The following ABCA4 variants were observed in gnomAD, a reference collection of about 807,000 sequenced individuals.
ABCA4 encodes ATP binding cassette subfamily A member 4.
A neutral mutation model predicts 263.7 loss-of-function variants in ABCA4; 196 were observed. That is an observed-to-expected ratio of 0.74 (90% confidence interval 0.66 to 0.84). The LOEUF is 0.84. Among genes scored for constraint, ABCA4 ranks in the 40% least tolerant of loss-of-function variants. The pLI is 0.00. For synonymous variants in ABCA4, 1,133 were observed against 1,094.2 expected (o/e 1.04, Z -0.70); for missense variants, 2,792 against 2,855.1 (o/e 0.98, Z 0.50).
intron 6 of ABCA4, among the ~76,000 whole-genome samples, chr1:94,094,206 A>G (rs1007402402): frequency 2.6e-5 from 4 of 152,298 alleles, no homozygotes; most frequent in South Asian, 4.1e-4. Context: ...AAGTTTAACA[A>G]TCTGCAACCA....
chr1:94,001,258 T>C (rs1296508225), intron 45 of ABCA4, among the ~76,000 whole-genome samples, 153 bp from the exon 46 acceptor site: 2 of 152,012 alleles, frequency 1.3e-5, no homozygotes, highest in African/African-American at 2.4e-5. Context: ...TACCCTGGTG[T>C]AGGGTAGGGA....
At chr1:94,109,377 C>G (rs1272896681) in intron 3 of ABCA4, among the ~76,000 whole-genome samples, 2 of 152,178 alleles carry the variant, frequency 1.3e-5, no homozygotes, top group Non-Finnish European at 2.9e-5. Flanking sequence ...CCCATTCACG[C>G]AGGTAGGCTC....
intron 44 of ABCA4, among the ~76,000 whole-genome samples, chr1:94,004,668 C>G (rs1462315051): frequency 6.6e-6 from 1 of 152,102 alleles, no homozygotes; most frequent in Non-Finnish European, 1.5e-5. Context: ...TGCCTACTTC[C>G]CATTCTTACT....
Position 94,083,389 on chromosome 1 carries a change from C to A in ABCA4, c.821G>T (p.Gly274Val), listed in dbSNP as rs189325931. ...TGGTGACATATCAGATAATATTCCTCCCCAAGATCTCAGATTGATACCTTG... is the reference window on the plus strand; with the variant it reads ...TGGTGACATATCAGATAATATTCCTACCCAAGATCTCAGATTGATACCTTG... ...RSQGINLRSW[G>V]GILSDMSPRI... Residue 274 changes from glycine to valine, a missense_variant, in exon 7 of 50, where the codon GGA becomes GTA. Transcript: ENST00000370225. 1.2e-6 allele frequency: 2 copies of A among 1,613,760 alleles called. No individual in the cohort carries two copies. Among genetic ancestry groups the A allele is most frequent in the Non-Finnish European group, 1.7e-6 (2 of 1,179,858 alleles).
At chr1:94,046,833 A>T in intron 19 of ABCA4, 86 bp downstream of exon 19, 1 of 1,524,820 alleles carries the variant, frequency 6.6e-7, no homozygotes, top group Non-Finnish European at 9.0e-7. Flanking sequence ...ATTTGTGGGA[A>T]AGAGTAGACA....
intron 47 of ABCA4, among the ~76,000 whole-genome samples, chr1:93,998,703 AT>A (rs1659082024): frequency 6.8e-6 from 1 of 147,170 alleles, no homozygotes; most frequent in African/African-American, 2.6e-5. Context: ...AGTTTTATTT[AT>A]TTTATTTTAT....
chr1:94,083,473 A>C, intron 6 of ABCA4, 32 bp from the exon 7 acceptor site: 2 of 1,536,750 alleles, frequency 1.3e-6, no homozygotes, highest in South Asian at 2.2e-5. Flanking sequence ...TTTTTTAAAT[A>C]TATATATGTT....
At chr1:94,037,048 C>A in intron 25 of ABCA4, 97 bp downstream of exon 25, 1 of 1,336,166 alleles carries the variant, frequency 7.5e-7, no homozygotes, top group Non-Finnish European at 1.1e-6. Context: ...GGAACGATGG[C>A]TTTTTGCTTT....
chr1:94,046,951 C>T lies in ABCA4; in HGVS notation c.2886G>A (p.Leu962=). 1.2e-6 allele frequency: 2 copies of T among 1,614,138 alleles called. No homozygotes were observed. The highest frequency in any genetic ancestry group is 1.7e-6 in the Non-Finnish European group (2 of 1,180,036). ...TFYENQITAF[L]GHNGAGKTTT... is the part of the protein sequence containing the mutation. ...TGGTTTTCCCAGCTCCATTGTGGCC[C>T]AGGAATGCGGTGATCTGGTTCTCGT... The change falls in exon 19 of 50, where the codon CTG becomes CTA. Residue 962 remains leucine, a synonymous_variant. Transcript: ENST00000370225.
rs2275034 is a variant in ABCA4 at position 94,014,883 on chromosome 1, T to C, written c.5313-193A>G. 0.59 allele frequency among the ~76,000 whole-genome samples: 90,064 copies of C among 152,092 alleles called. 27,215 individuals carry two copies. Among genetic ancestry groups the C allele is most frequent in the African/African-American group, 0.68 (28,290 of 41,460 alleles). Reference sequence around the variant, plus strand: ...TTAAATGGAGATAATGATGCCTGCCTTGACCACTTCATGGGGTTTTGTGAG... The same window carrying C: ...TTAAATGGAGATAATGATGCCTGCCCTGACCACTTCATGGGGTTTTGTGAG... On this transcript the variant is annotated intron_variant, in intron 37 of 49. Coordinates refer to ENST00000370225, the MANE Select transcript of ABCA4 (RefSeq NM_000350.3).
In ABCA4 at chr1:94,080,507, T is replaced by C; in HGVS notation, c.1070A>G (p.Asp357Gly). The change falls in exon 8 of 50, where the codon GAT becomes GGT. Residue 357 changes from aspartate to glycine, a missense_variant. By Grantham distance (94) the Asp-to-Gly change is moderately conservative. Coordinates refer to ENST00000370225, the MANE Select transcript of ABCA4 (RefSeq NM_000350.3). ...TCTTCTGTCATAAGAATAGATAGGATCCTTCCTTGTGGAGTCAATCCCCAG... is the reference window on the plus strand; with the variant it reads ...TCTTCTGTCATAAGAATAGATAGGACCCTTCCTTGTGGAGTCAATCCCCAG... ...AFLGIDSTRK[D>G]PIYSYDRRTT... 1.2e-6 allele frequency: 2 copies of C among 1,614,210 alleles called. No homozygotes were observed. Among genetic ancestry groups the C allele is most frequent in the Non-Finnish European group, 8.5e-7 (1 of 1,180,032 alleles).
intron 4 of ABCA4, among the ~76,000 whole-genome samples, chr1:94,104,569 G>A (rs1479997928): frequency 1.3e-5 from 2 of 152,138 alleles, no homozygotes; most frequent in Non-Finnish European, 1.5e-5. Context: ...AGGGTCTTGC[G>A]CCAACCCCAC....
intron 17 of ABCA4, among the ~76,000 whole-genome samples, chr1:94,049,666 C>T (rs778794748): frequency 7.2e-5 from 11 of 152,084 alleles, no homozygotes; most frequent in Admixed American, 3.9e-4. Flanking sequence ...AGTGCTATGA[C>T]GGGCAGCCAG....
intron 3 of ABCA4, among the ~76,000 whole-genome samples, chr1:94,109,008 G>A (rs572187320): frequency 2.0e-5 from 3 of 152,124 alleles, no homozygotes; most frequent in South Asian, 2.1e-4. Context: ...TCCTGACCTC[G>A]TGATCCACCC....
chr1:94,021,332 G>A lies in ABCA4; in HGVS notation c.4926C>T (p.Ser1642=), dbSNP rs61753017. The change falls in exon 35 of 50, where the codon AGC becomes AGT. Residue 1642 remains serine, a synonymous_variant. Transcript: ENST00000370225. ...NVAHNAILRA[S]LPKDRSPEEY... ...CCTCGGGGCTCCTGTCCTTAGGCAG[G>A]CTGGCCCGTAAGATGGCGTTGTGGG... 1.9e-6 allele frequency: 3 copies of A among 1,614,194 alleles called. No homozygotes were observed. Among genetic ancestry groups the A allele is most frequent in the African/African-American group, 1.3e-5 (1 of 75,038 alleles).
chr1:94,044,732 C>G lies in ABCA4; in HGVS notation c.2931G>C (p.Thr977=), dbSNP rs146963098. The G allele has an allele frequency of 1.2e-6, 2 of 1,614,184 alleles. No homozygotes were observed. The highest frequency in any genetic ancestry group is 1.3e-5 in the African/African-American group (1 of 75,030). Residue 977 remains threonine, a synonymous_variant, in exon 20 of 50, where the codon ACG becomes ACC. Coordinates refer to ENST00000370225, the MANE Select transcript of ABCA4 (RefSeq NM_000350.3). Reference sequence around the variant, plus strand: ...TCCCAGAGGTTGGTGGCAACAGACCCGTCAGGATGGACCTGCAGAACACAG... The same window carrying G: ...TCCCAGAGGTTGGTGGCAACAGACCGGTCAGGATGGACCTGCAGAACACAG... ...AGKTTTLSIL[T]GLLPPTSGTV... is the part of the protein sequence containing the mutation.
chr1:94,071,323 TAG>T (rs1244360394), intron 11 of ABCA4, among the ~76,000 whole-genome samples: 1 of 152,214 alleles, frequency 6.6e-6, no homozygotes, highest in Non-Finnish European at 1.5e-5. Flanking sequence ...TACTCTAATC[TAG>T]CTACTTTCAA....
Position 94,098,872 on chromosome 1 carries a change from G to C in ABCA4, c.690C>G (p.Cys230Trp). 1 of 1,614,174 alleles carries C rather than the reference G, an allele frequency of 6.2e-7. No individual in the cohort carries two copies. The highest frequency in any genetic ancestry group is 8.5e-7 in the Non-Finnish European group (1 of 1,180,030). Residue 230 changes from cysteine (C) to tryptophan (W), a missense_variant, in exon 6 of 50, where the codon TGC becomes TGG. Transcript: ENST00000370225. ...RGAKTVRYAL[C>W]SLSQGTLQWI... ...ACTGTAGGGTGCCCTGGGAGAGGGA[G>C]CACAGGGCATAGCGCACCGTCTTTG...
chr1:94,063,095 C>T lies in ABCA4; in HGVS notation c.1760+17G>A. ...CTGACTTTGGAGAAATGCAGCGAGC[C>T]CTTCCTGAAACATCACCTGTCTTTA... On this transcript the variant is annotated intron_variant, in intron 12 of 49. Transcript: ENST00000370225. 1 of 1,606,536 alleles carries T rather than the reference C, an allele frequency of 6.2e-7. No individual in the cohort carries two copies. The highest frequency in any genetic ancestry group is 8.5e-7 in the Non-Finnish European group (1 of 1,173,954).
Sources: gnomAD v4.1 joint callset for allele counts (sites outside exome capture counted in the v4.1 genomes callset) on GRCh38, gnomAD v4.1.1 for gene constraint, MANE v1.5 for transcripts, NCBI Gene and HGNC (gene_info 2026-07-23, HGNC 2026-07-21) for gene names.